Variants in CNGB1 observed in about 807,000 individuals in gnomAD.
CNGB1 encodes cyclic nucleotide-gated channel beta-1.
CNGB1 carries 126 observed loss-of-function variants against 151.7 expected under a neutral mutation model. The observed-to-expected ratio is 0.83, with a 90% CI of 0.72 to 0.96. The LOEUF (loss-of-function observed/expected upper bound fraction) is 0.96, where lower values mean the gene tolerates loss of function less well. Ranked by LOEUF, CNGB1 falls within the 40% of genes least tolerant of loss-of-function variation. The pLI, the probability that CNGB1 is intolerant of heterozygous loss-of-function variation, is 0.00. For synonymous variants in CNGB1, 623 were observed against 635.1 expected, an observed-to-expected ratio of 0.98 and a Z score of 0.29; for missense variants, 1,698 against 1,627.0, an observed-to-expected ratio of 1.04 and a Z score of -0.75.
intron 10 of CNGB1, among the ~76,000 whole-genome samples, chr16:57,959,079 C>T (rs1306451432): frequency 6.6e-6 from 1 of 151,978 alleles, no homozygotes; most frequent in Non-Finnish European, 1.5e-5. Context: ...TATATGTATC[C>T]TTTGGCCCAG....
At chr16:57,912,327 C>A (rs896682756) in intron 24 of CNGB1, among the ~76,000 whole-genome samples, 15 of 152,210 alleles carry the variant, frequency 9.9e-5, no homozygotes, top group African/African-American at 3.6e-4. Context: ...GGCTCCAGTT[C>A]CCTGAGCTGA....
At chr16:57,927,189 G>C (rs771913286) in intron 17 of CNGB1, among the ~76,000 whole-genome samples, 1 of 152,104 alleles carries the variant, frequency 6.6e-6, no homozygotes, top group Non-Finnish European at 1.5e-5. Flanking sequence ...CGTCTTACAC[G>C]GGGAAAATGG....
intron 12 of CNGB1, among the ~76,000 whole-genome samples, chr16:57,955,916 A>G (rs888147851): frequency 6.6e-6 from 1 of 152,180 alleles, no homozygotes; most frequent in African/African-American, 2.4e-5. Context: ...TGGGAGAATC[A>G]GTGTCTGTTG....
rs375729452 is a variant in CNGB1, at chr16:57,884,446, C to T, written c.3474G>A (p.Ser1158=). 8 of 1,613,356 alleles carry T rather than the reference C, an allele frequency of 5.0e-6. No individual in the cohort carries two copies. Among genetic ancestry groups the T allele is most frequent in the East Asian group, 2.2e-5 (1 of 44,824 alleles). ...QQELVEQAKS[S]QDVKGEEGSA... ...AGCCTTCCTCTCCCTTGACGTCTTG[C>T]GAGCTCTTGGCCTGGAATCCAGAAA... Residue 1158 remains serine (S), a synonymous_variant, in exon 33 of 33, where the codon TCG becomes TCA. Coordinates refer to ENST00000251102, the MANE Select transcript of CNGB1 (RefSeq NM_001297.5).
Position 57,911,944 on chromosome 16 carries a change from T to G in CNGB1, c.2370-69A>C, listed in dbSNP as rs570057689. 6.3e-6 allele frequency: 10 copies of G among 1,599,436 alleles called. No individual in the cohort carries two copies. The South Asian group carries it at 1.0e-4, about 16-fold the overall frequency. ...AGGTGAGGTATAGACACCTGGACAG[T>G]GAGAGCCAACCCATGGCTGGGCTGG... On this transcript the variant is annotated intron_variant, in intron 24 of 32. Coordinates refer to ENST00000251102, the MANE Select transcript of CNGB1 (RefSeq NM_001297.5).
chr16:57,912,458 T>C (rs537451731), intron 24 of CNGB1, among the ~76,000 whole-genome samples: 1 of 152,254 alleles, frequency 6.6e-6, no homozygotes, highest in South Asian at 2.1e-4. Context: ...AACATTTCTC[T>C]GGGAAAGAGG....
intron 32 of CNGB1, among the ~76,000 whole-genome samples, chr16:57,887,587 C>T (rs1481311169): frequency 6.6e-6 from 1 of 152,040 alleles, no homozygotes; most frequent in Non-Finnish European, 1.5e-5. Context: ...AGAGATGACA[C>T]GATGGGAAAA....
intron 31 of CNGB1, among the ~76,000 whole-genome samples, chr16:57,888,988 C>G (rs1467908980): frequency 5.9e-5 from 9 of 152,144 alleles, no homozygotes; most frequent in Admixed American, 2.0e-4. Flanking sequence ...CCTATTACCC[C>G]CTTCCTGGTG....
At chr16:57,947,043 T>C (rs1176853034) in intron 14 of CNGB1, among the ~76,000 whole-genome samples, 1 of 152,232 alleles carries the variant, frequency 6.6e-6, no homozygotes, top group African/African-American at 2.4e-5. Context: ...CCTGTGCTTG[T>C]GCATATATGA....
At chr16:57,955,486 G>T in intron 12 of CNGB1, 1 of 843,112 alleles carries the variant, frequency 1.2e-6, no homozygotes. Flanking sequence ...ATATCCCCCA[G>T]CCTCTCAGAG....
chr16:57,955,025 A>G (rs1962049592), intron 12 of CNGB1: 4 of 1,200,970 alleles, frequency 3.3e-6, no homozygotes, highest in Middle Eastern at 3.5e-4. Context: ...CTGGGATTAC[A>G]GGCGTGAGCC....
At chr16:57,958,630 A>G in intron 10 of CNGB1, 145 bp from the exon 11 acceptor site, 1 of 690,096 alleles carries the variant, frequency 1.4e-6, no homozygotes, top group East Asian at 2.7e-5. Context: ...TCCAGCCCTG[A>G]AGACCATTCT....
chr16:57,941,976 C>T (rs1215309107), intron 14 of CNGB1, among the ~76,000 whole-genome samples: 5 of 152,100 alleles, frequency 3.3e-5, no homozygotes, highest in African/African-American at 7.2e-5. Flanking sequence ...TTCAGCCTCC[C>T]GAGTAGCTGG....
intron 32 of CNGB1, among the ~76,000 whole-genome samples, chr16:57,885,324 A>G (rs1020662314): frequency 6.6e-6 from 1 of 152,132 alleles, no homozygotes; most frequent in Non-Finnish European, 1.5e-5. Context: ...CTCAAGTCAT[A>G]GGATATTGAA....
intron 32 of CNGB1, among the ~76,000 whole-genome samples, chr16:57,887,006 C>T (rs1248156035): frequency 3.3e-5 from 5 of 152,078 alleles, no homozygotes; most frequent in Non-Finnish European, 7.4e-5. Context: ...TCCCAAGTAG[C>T]TAGGACCACA....
intron 14 of CNGB1, among the ~76,000 whole-genome samples, chr16:57,948,071 G>A (rs1961852319): frequency 6.6e-6 from 1 of 152,194 alleles, no homozygotes; most frequent in South Asian, 2.1e-4. Flanking sequence ...GAGGTACCAT[G>A]GTGGTCAGAG....
At chr16:57,965,317 G>A (rs1056970475) in intron 2 of CNGB1, among the ~76,000 whole-genome samples, 4 of 152,068 alleles carry the variant, frequency 2.6e-5, no homozygotes, top group Non-Finnish European at 4.4e-5. Flanking sequence ...ATGTACATAT[G>A]CATGCATGCC....
rs1181884132 is a variant in CNGB1 at position 57,884,473 on chromosome 16, G to A, written c.3463-16C>T. On this transcript the variant is annotated splice_polypyrimidine_tract_variant and intron_variant, in intron 32 of 32. Coordinates refer to ENST00000251102, the MANE Select transcript of CNGB1 (RefSeq NM_001297.5). ...AGCTCTTGGCCTGGAATCCAGAAAG[G>A]GTGACTCGTGAGGCACAGACTCTCG... 1.9e-6 allele frequency: 3 copies of A among 1,613,246 alleles called. No homozygotes were observed. Among genetic ancestry groups the A allele is most frequent in the Non-Finnish European group, 2.5e-6 (3 of 1,179,798 alleles).
intron 14 of CNGB1, among the ~76,000 whole-genome samples, chr16:57,943,975 C>A (rs1324919094): frequency 6.6e-6 from 1 of 151,926 alleles, no homozygotes; most frequent in Admixed American, 6.6e-5. Context: ...GCAACCTCAG[C>A]CTCCCGAGTT....
Sources: gnomAD v4.1 joint callset for allele counts (sites outside exome capture counted in the v4.1 genomes callset) on GRCh38, gnomAD v4.1.1 for gene constraint, MANE v1.5 for transcripts, NCBI Gene and HGNC (gene_info 2026-07-23, HGNC 2026-07-21) for gene names.